The following PREX2 variants were observed in gnomAD, a reference collection of about 807,000 sequenced individuals.
PREX2 encodes phosphatidylinositol-3,4,5-trisphosphate dependent Rac exchange factor 2, also known as phosphatidylinositol 3,4,5-trisphosphate-dependent Rac exchanger 2 protein.
In PREX2, 107 loss-of-function variants were observed where a neutral mutation model predicts 203.2. That is an observed-to-expected ratio of 0.53 (90% CI 0.45 to 0.62). PREX2 has a LOEUF of 0.62. PREX2 is among the 20% of genes least tolerant of loss of function. PREX2 has a pLI of 0.00. For synonymous variants in PREX2, 672 were observed against 663.6 expected (o/e 1.01, Z -0.19); for missense variants, 1,777 against 1,955.9 (o/e 0.91, Z 1.72).
chr8:68,146,341 T>G lies in PREX2; in HGVS notation c.4220T>G (p.Leu1407Arg). The G allele has an allele frequency of 6.2e-7, 1 of 1,612,148 alleles. No individual in the cohort carries two copies. The highest frequency in any genetic ancestry group is 8.5e-7 in the Non-Finnish European group (1 of 1,179,134). Residue 1407 changes from leucine (L) to arginine (R), a missense_variant, in exon 34 of 40, where the codon CTT (leucine) becomes CGT (arginine). Physicochemically the swap from Leu to Arg is moderately radical, Grantham distance 102. Transcript: ENST00000288368. ...NGGGFKIHPV[L>R]FAQALESMEG... ...GGAGGGTTTAAAATTCATCCTGTTC[T>G]TTTTGCACAAGGTAAACTGTTTCTC...
At chr8:68,078,413 C>T (rs1010274797) in intron 15 of PREX2, among the ~76,000 whole-genome samples, 2 of 152,174 alleles carry the variant, frequency 1.3e-5, no homozygotes, top group South Asian at 2.1e-4. Context: ...TTTGCCTGCC[C>T]CAGCCTCCCA....
chr8:68,121,932 G>A (rs1810782334), intron 30 of PREX2, among the ~76,000 whole-genome samples: 1 of 152,094 alleles, frequency 6.6e-6, no homozygotes, highest in South Asian at 2.1e-4. Flanking sequence ...TACTATTCCT[G>A]TGTTTACATT....
At chr8:68,175,523 A>ACC (rs1811960891) in intron 35 of PREX2, among the ~76,000 whole-genome samples, 1 of 152,172 alleles carries the variant, frequency 6.6e-6, no homozygotes, top group Non-Finnish European at 1.5e-5. Flanking sequence ...GCAAGCGATA[A>ACC]TGAGAACCCT....
intron 38 of PREX2, chr8:68,223,432 A>G (rs1812996373): frequency 6.6e-6 from 1 of 152,306 alleles, no homozygotes; most frequent in South Asian, 2.1e-4. Context: ...GGATTAGCCA[A>G]AATAGTTTTT....
chr8:68,109,229 T>TA (rs1276078488), intron 24 of PREX2, among the ~76,000 whole-genome samples, 187 bp from the exon 25 acceptor site: 5 of 152,334 alleles, frequency 3.3e-5, no homozygotes, highest in Admixed American at 3.3e-4. Context: ...CTATGTGAAG[T>TA]AATACATATG....
At chr8:68,121,414 C>T (rs920213892) in intron 30 of PREX2, among the ~76,000 whole-genome samples, 1 of 151,914 alleles carries the variant, frequency 6.6e-6, no homozygotes, top group African/African-American at 2.4e-5. Flanking sequence ...AAAAAAAAAT[C>T]AGTTGTGAAG....
At chr8:68,163,511 G>T (rs900422744) in intron 35 of PREX2, among the ~76,000 whole-genome samples, 3 of 152,200 alleles carry the variant, frequency 2.0e-5, no homozygotes, top group African/African-American at 7.2e-5. Flanking sequence ...CATTTAGATA[G>T]GTAGCTTTTA....
intron 35 of PREX2, among the ~76,000 whole-genome samples, chr8:68,174,414 T>C (rs1488124682): frequency 1.3e-5 from 2 of 152,212 alleles, no homozygotes; most frequent in African/African-American, 4.8e-5. Flanking sequence ...TTCTCTGTTA[T>C]GTAGATTCAA....
intron 1 of PREX2, among the ~76,000 whole-genome samples, chr8:67,973,416 A>T (rs1805981904): frequency 6.6e-6 from 1 of 152,100 alleles, no homozygotes; most frequent in African/African-American, 2.4e-5. Flanking sequence ...TTCTCAAGTG[A>T]TCCATCAAAC....
At chr8:67,995,816 A>T (rs532586827) in intron 1 of PREX2, among the ~76,000 whole-genome samples, 2 of 152,276 alleles carry the variant, frequency 1.3e-5, no homozygotes, top group Non-Finnish European at 2.9e-5. Context: ...TTGGGTTGAC[A>T]TATGTTTCCA....
At chr8:68,092,757 T>G (rs1275828217) in intron 20 of PREX2, among the ~76,000 whole-genome samples, 3 of 152,200 alleles carry the variant, frequency 2.0e-5, no homozygotes, top group Admixed American at 6.5e-5. Context: ...AACATGTAAA[T>G]GATTTGTACA....
At chr8:67,989,575 T>C (rs1273565490) in intron 1 of PREX2, among the ~76,000 whole-genome samples, 1 of 152,236 alleles carries the variant, frequency 6.6e-6, no homozygotes, top group African/African-American at 2.4e-5. Flanking sequence ...TTTTTAATAA[T>C]GTTTCTCTAT....
At chr8:67,994,157 C>T (rs17436597) in intron 1 of PREX2, among the ~76,000 whole-genome samples, 18,511 of 152,206 alleles carry the variant, frequency 0.12, 1,359 homozygotes, top group Middle Eastern at 0.17. Context: ...TTAAAGCACA[C>T]GTCTAATGGA....
intron 26 of PREX2, among the ~76,000 whole-genome samples, chr8:68,116,239 C>T (rs920346759): frequency 2.5e-4 from 38 of 152,288 alleles, no homozygotes; most frequent in African/African-American, 9.1e-4. Flanking sequence ...TGTGCCTATA[C>T]AGGATTAACA....
chr8:68,106,319 C>CT (rs1252045648), intron 23 of PREX2: 1 of 514,876 alleles, frequency 1.9e-6, no homozygotes, highest in East Asian at 5.5e-5. Flanking sequence ...GCCTTAAACT[C>CT]TATGTCCCAT....
At chr8:68,023,730 T>G (rs1391856478) in intron 4 of PREX2, among the ~76,000 whole-genome samples, 1 of 152,112 alleles carries the variant, frequency 6.6e-6, no homozygotes, top group African/African-American at 2.4e-5. Flanking sequence ...GTTTTCCCAC[T>G]TTTGATGCTA....
intron 11 of PREX2, among the ~76,000 whole-genome samples, chr8:68,061,704 G>A (rs73253771): frequency 0.044 from 6,656 of 152,296 alleles, 409 homozygotes; most frequent in African/African-American, 0.14. Flanking sequence ...AGGGTTGAAA[G>A]AGAAGATGCA....
chr8:68,187,113 T>TA lies in PREX2; in HGVS notation c.4347-4609_4347-4608insA, dbSNP rs1414081248. Among the ~76,000 whole-genome samples the TA allele has an allele frequency of 7.2e-3, 1,090 of 152,152 alleles. 11 individuals are homozygous for TA. Among genetic ancestry groups the TA allele is most frequent in the African/African-American group, 0.024 (986 of 41,486 alleles). ...AGCTGTTTCTGTAGCAATGCTTCCC[T>TA]TAGGTGGTACTGATGAGCTATGGGC... On this transcript the variant is annotated intron_variant, in intron 35 of 39. Transcript: ENST00000288368.
At chr8:67,952,729 C>G in intron 1 of PREX2, 194 bp downstream of exon 1, 1 of 736,150 alleles carries the variant, frequency 1.4e-6, no homozygotes, top group Non-Finnish European at 2.3e-6. Flanking sequence ...GTTGGTGCCC[C>G]GAGACTCACT....
Sources: allele counts gnomAD v4.1 joint callset (sites outside exome capture counted in the v4.1 genomes callset), GRCh38; gene constraint gnomAD v4.1.1; transcripts MANE v1.5; gene names NCBI Gene and HGNC (gene_info 2026-07-23, HGNC 2026-07-21).